NOVA1: variants seen among roughly 807,000 people sequenced by gnomAD.
NOVA1 encodes the protein RNA-binding protein Nova-1.
In NOVA1, 7 loss-of-function variants were observed where a neutral mutation model predicts 38.0. The ratio of observed to expected loss-of-function variants is 0.18; its 90% CI spans 0.10 to 0.35. The LOEUF (loss-of-function observed/expected upper bound fraction) is 0.35. Ranked by LOEUF, NOVA1 falls within the 10% of genes least tolerant of loss-of-function variation. The pLI, the probability that NOVA1 is intolerant of heterozygous loss-of-function variation, is 1.00. For missense variants in NOVA1, 460 were observed against 616.0 expected, an observed-to-expected ratio of 0.75 and a Z score of 2.68; for synonymous variants, 270 against 232.5, an observed-to-expected ratio of 1.16 and a Z score of -1.47.
intron 2 of NOVA1, among the ~76,000 whole-genome samples, chr14:26,482,002 A>C (rs1054835017): frequency 4.0e-5 from 6 of 150,834 alleles, no homozygotes; most frequent in African/African-American, 1.5e-4. Context: ...AAAAAAAAAA[A>C]AAAAAAAAAA....
At chr14:26,504,574 T>TCC (rs1001173210) in intron 2 of NOVA1, among the ~76,000 whole-genome samples, 1 of 152,162 alleles carries the variant, frequency 6.6e-6, no homozygotes, top group African/African-American at 2.4e-5. Flanking sequence ...TATATGAGCC[T>TCC]CCCTTTTGAT....
At chr14:26,475,069 T>C (rs1011032591) in intron 3 of NOVA1, among the ~76,000 whole-genome samples, 2 of 152,148 alleles carry the variant, frequency 1.3e-5, no homozygotes, top group Admixed American at 6.6e-5. Flanking sequence ...ACAGGTGTGA[T>C]AGTTGTTCTC....
chr14:26,520,218 G>C (rs1333521641), intron 2 of NOVA1, among the ~76,000 whole-genome samples: 1 of 152,076 alleles, frequency 6.6e-6, no homozygotes, highest in Non-Finnish European at 1.5e-5. Flanking sequence ...TTCACTTATG[G>C]TGCATTTCTT....
chr14:26,465,350 T>C (rs1213849025), intron 4 of NOVA1, among the ~76,000 whole-genome samples: 1 of 152,058 alleles, frequency 6.6e-6, no homozygotes, highest in East Asian at 1.9e-4. Context: ...AATTTTTGTA[T>C]TTTTAGTAGA....
chr14:26,540,385 C>A (rs1398748357), intron 2 of NOVA1, among the ~76,000 whole-genome samples: 1 of 152,132 alleles, frequency 6.6e-6, no homozygotes, highest in African/African-American at 2.4e-5. Flanking sequence ...TGAAACCATC[C>A]CCCTCAGGGA....
intron 2 of NOVA1, among the ~76,000 whole-genome samples, chr14:26,545,261 A>G (rs1351326068): frequency 6.6e-6 from 1 of 152,088 alleles, no homozygotes; most frequent in Non-Finnish European, 1.5e-5. Flanking sequence ...CCAAGAAAAT[A>G]TATAAGTGAG....
Position 26,565,972 on chromosome 14 carries a change from G to T in NOVA1, c.280+29438C>A, listed in dbSNP as rs148146908. 3.7e-3 allele frequency among the ~76,000 whole-genome samples: 565 copies of T among 152,212 alleles called. 2 individuals are homozygous for T. Among genetic ancestry groups the T allele is most frequent in the African/African-American group, 0.013 (544 of 41,534 alleles). On this transcript the variant is annotated intron_variant, in intron 2 of 4. Coordinates refer to ENST00000539517, the MANE Select transcript of NOVA1 (RefSeq NM_002515.3). ...AAATGAGGAGAAAGAAAGAGAACAT[G>T]ATGCAATTGAAAGATAGGCAGGAGT...
chr14:26,488,754 T>A (rs1347797476), intron 2 of NOVA1, among the ~76,000 whole-genome samples: 1 of 152,170 alleles, frequency 6.6e-6, no homozygotes, highest in Non-Finnish European at 1.5e-5. Flanking sequence ...TATATGTACA[T>A]AATAAATAGA....
chr14:26,593,581 C>T (rs1893995136), intron 2 of NOVA1: 1 of 151,798 alleles, frequency 6.6e-6, no homozygotes, highest in Non-Finnish European at 1.5e-5. Context: ...GGTTACGTCA[C>T]CACACACACA....
chr14:26,578,911 T>C (rs555148659), intron 2 of NOVA1, among the ~76,000 whole-genome samples: 1 of 152,224 alleles, frequency 6.6e-6, no homozygotes, highest in South Asian at 2.1e-4. Flanking sequence ...GACTTCACTG[T>C]CATCATCTCT....
chr14:26,475,285 C>T (rs1219698170), intron 3 of NOVA1, among the ~76,000 whole-genome samples: 1 of 152,214 alleles, frequency 6.6e-6, no homozygotes, highest in Admixed American at 6.5e-5. Context: ...TCTGTCTTGG[C>T]CTCCTAAAAG....
intron 2 of NOVA1, among the ~76,000 whole-genome samples, chr14:26,487,685 G>A (rs1047835731): frequency 6.6e-6 from 1 of 152,030 alleles, no homozygotes. Context: ...TAAGAAAATC[G>A]CATATGTTTC....
intron 2 of NOVA1, among the ~76,000 whole-genome samples, chr14:26,582,812 T>G (rs1035653332): frequency 6.6e-6 from 1 of 151,738 alleles, no homozygotes; most frequent in Non-Finnish European, 1.5e-5. Context: ...ATCAGACTTA[T>G]AAGCCCAGCA....
intron 4 of NOVA1, chr14:26,470,532 A>G (rs1409214241): frequency 3.1e-6 from 4 of 1,284,676 alleles, no homozygotes; most frequent in Admixed American, 3.4e-5. Flanking sequence ...AAGTAACAAT[A>G]TAACAGAGTA....
In NOVA1 at chr14:26,448,428, G is replaced by A. The variant is rs1882297023; in HGVS notation, c.1055C>T (p.Ala352Val). ...ATTGGCTGCTGCTGCTGCTGGGTTGGCACTGGCAGCTGCTGCAGCCAAAGC... is the reference window on the plus strand; with the variant it reads ...ATTGGCTGCTGCTGCTGCTGGGTTGACACTGGCAGCTGCTGCAGCCAAAGC... ...TGALAAAAAS[A>V]NPAAAAANLL... Residue 352 changes from alanine (A) to valine (V), a missense_variant, in exon 5 of 5, where the codon GCC (alanine) becomes GTC (valine). By Grantham distance (64) the Ala-to-Val change is moderately conservative. Coordinates refer to ENST00000539517, the MANE Select transcript of NOVA1 (RefSeq NM_002515.3). The surrounding 1 kb of genome is among the most constrained non-coding windows in gnomAD (Gnocchi z 5.3). 3.1e-6 allele frequency: 5 copies of A among 1,611,216 alleles called. No homozygotes were observed. Among genetic ancestry groups the A allele is most frequent in the Admixed American group, 1.7e-5 (1 of 59,844 alleles).
At chr14:26,524,247 A>G (rs1889135615) in intron 2 of NOVA1, among the ~76,000 whole-genome samples, 1 of 152,156 alleles carries the variant, frequency 6.6e-6, no homozygotes, top group Non-Finnish European at 1.5e-5. Context: ...ATGGAAGCCA[A>G]CCTGTTTGTG....
chr14:26,582,553 CT>C (rs1893286050), intron 2 of NOVA1, among the ~76,000 whole-genome samples: 1 of 151,672 alleles, frequency 6.6e-6, no homozygotes, highest in African/African-American at 2.4e-5. Context: ...GTGAACAATT[CT>C]CAATTATGTA....
At chr14:26,553,717 T>C (rs1157309462) in intron 2 of NOVA1, among the ~76,000 whole-genome samples, 8 of 151,680 alleles carry the variant, frequency 5.3e-5, no homozygotes, top group Admixed American at 3.9e-4. Flanking sequence ...AGTGGAGAGG[T>C]AGAAATTGAG....
Position 26,448,602 on chromosome 14 carries a change from A to T in NOVA1, c.881T>A (p.Leu294His). 6.2e-7 allele frequency: 1 copy of T among 1,614,248 alleles called. No individual in the cohort carries two copies. The highest frequency in any genetic ancestry group is 8.5e-7 in the Non-Finnish European group (1 of 1,180,036). ...AAAGLLGHAN[L>H]AGVAAFPAVL... ...TGCTGGAAAGGCTGCAACGCCAGCAAGGTTAGCATGTCCTAATAGCCCTGC... is the reference window on the plus strand; with the variant it reads ...TGCTGGAAAGGCTGCAACGCCAGCATGGTTAGCATGTCCTAATAGCCCTGC... Residue 294 changes from leucine to histidine, a missense_variant, in exon 5 of 5, where the codon CTT (leucine) becomes CAT (histidine). Transcript: ENST00000539517. This position sits in a 1 kb window ranked among gnomAD's most constrained non-coding sequence, Gnocchi z 5.3.
Sources: gnomAD v4.1 joint callset for allele counts (sites outside exome capture counted in the v4.1 genomes callset) on GRCh38, gnomAD v4.1.1 for gene constraint, Gnocchi (gnomAD v3.1) non-coding constraint, MANE v1.5 for transcripts, NCBI Gene and HGNC (gene_info 2026-07-23, HGNC 2026-07-21) for gene names.